GRID2: variants seen among roughly 807,000 people sequenced by gnomAD.
The protein encoded by GRID2 is glutamate ionotropic receptor delta type subunit 2.
Under a neutral mutation model 114.8 loss-of-function variants are expected in GRID2, and 33 were observed. That is an observed-to-expected ratio of 0.29 (90% CI 0.22 to 0.38). The LOEUF (loss-of-function observed/expected upper bound fraction) is 0.38. GRID2 is among the 10% of genes least tolerant of loss of function. GRID2 has a pLI of 1.00. For synonymous variants in GRID2, 505 were observed against 449.9 expected (o/e 1.12, Z -1.55); for missense variants, 1,184 against 1,257.7 (o/e 0.94, Z 0.89).
At chr4:93,119,871 C>T (rs1358606566) in intron 4 of GRID2, among the ~76,000 whole-genome samples, 2 of 152,150 alleles carry the variant, frequency 1.3e-5, no homozygotes, top group African/African-American at 2.4e-5. Flanking sequence ...AGTGTCTGTT[C>T]ATAGCCTTTA....
intron 8 of GRID2, among the ~76,000 whole-genome samples, chr4:93,306,675 A>T (rs116852259): frequency 1.3e-5 from 2 of 152,274 alleles, no homozygotes; most frequent in East Asian, 3.9e-4. Flanking sequence ...ATTTACTGTT[A>T]TTAAAAATAA....
chr4:93,023,532 T>A, intron 2 of GRID2, among the ~76,000 whole-genome samples: 1 of 151,892 alleles, frequency 6.6e-6, no homozygotes, highest in Non-Finnish European at 1.5e-5. Flanking sequence ...TAGTGTGGTA[T>A]TTTCTCACAA....
intron 2 of GRID2, among the ~76,000 whole-genome samples, chr4:93,076,954 C>T (rs1578919982): frequency 1.3e-5 from 2 of 152,208 alleles, no homozygotes; most frequent in East Asian, 3.9e-4. Context: ...GTCATTCCTG[C>T]TTAGTCTCTT....
intron 13 of GRID2, among the ~76,000 whole-genome samples, chr4:93,546,330 A>G (rs1733208529): frequency 6.6e-6 from 1 of 152,208 alleles, no homozygotes; most frequent in African/African-American, 2.4e-5. Flanking sequence ...TTTGGGAATT[A>G]TCAGAATACA....
intron 4 of GRID2, among the ~76,000 whole-genome samples, chr4:93,189,816 A>ACAC (rs1740807702): frequency 7.5e-6 from 1 of 133,742 alleles, no homozygotes; most frequent in Non-Finnish European, 1.6e-5. Context: ...CACACACACA[A>ACAC]ATCTCATCTT....
At chr4:92,628,044 G>A (rs1450503) in intron 2 of GRID2, among the ~76,000 whole-genome samples, 4 of 152,084 alleles carry the variant, frequency 2.6e-5, no homozygotes, top group Non-Finnish European at 5.9e-5. Flanking sequence ...ATAGCTAATA[G>A]TAAAATAATT....
intron 2 of GRID2, among the ~76,000 whole-genome samples, chr4:92,759,997 G>A (rs751607077): frequency 2.6e-5 from 4 of 151,272 alleles, no homozygotes; most frequent in African/African-American, 4.8e-5. Flanking sequence ...TAGTTTATAC[G>A]GCACATAGCT....
intron 1 of GRID2, among the ~76,000 whole-genome samples, chr4:92,401,545 T>C (rs1217633161): frequency 6.6e-6 from 1 of 152,140 alleles, no homozygotes; most frequent in East Asian, 1.9e-4. Context: ...ATAAAGTGAG[T>C]CACACAAATT....
intron 9 of GRID2, among the ~76,000 whole-genome samples, chr4:93,396,738 T>C (rs1042195130): frequency 6.6e-6 from 1 of 151,978 alleles, no homozygotes; most frequent in Non-Finnish European, 1.5e-5. Flanking sequence ...CTATACATTA[T>C]AGTTTTCTTT....
At chr4:93,177,956 T>C (rs1434876041) in intron 4 of GRID2, among the ~76,000 whole-genome samples, 1 of 152,102 alleles carries the variant, frequency 6.6e-6, no homozygotes, top group Non-Finnish European at 1.5e-5. Flanking sequence ...AACTACTATT[T>C]GTCATTTTTA....
chr4:92,560,801 G>T lies in GRID2; in HGVS notation c.89-29330G>T, dbSNP rs948108829. ...AGCTCACTGCAACCTCCACCTCCCG[G>T]GTACAAGTGATTCTGCTGCCCCAGT... On this transcript the variant is annotated intron_variant, in intron 1 of 15. Coordinates refer to ENST00000282020, the MANE Select transcript of GRID2 (RefSeq NM_001510.4). Among the ~76,000 whole-genome samples the T allele has an allele frequency of 5.9e-5, 9 of 152,096 alleles. No individual in the cohort carries two copies. In the East Asian group the frequency reaches 1.7e-3, roughly 30 times the overall value.
intron 1 of GRID2, among the ~76,000 whole-genome samples, chr4:92,439,761 G>C (rs28834546): frequency 4.8e-5 from 7 of 146,080 alleles, no homozygotes; most frequent in African/African-American, 1.7e-4. Flanking sequence ...TGATGAGAGA[G>C]TGCCTAAGGA....
chr4:93,462,005 A>G (rs866632968), intron 11 of GRID2, among the ~76,000 whole-genome samples: 4 of 152,174 alleles, frequency 2.6e-5, no homozygotes, highest in Non-Finnish European at 4.4e-5. Flanking sequence ...TTTCAGAATT[A>G]TCTTCAGATG....
chr4:92,531,762 G>A (rs534487260), intron 1 of GRID2, among the ~76,000 whole-genome samples: 1 of 151,266 alleles, frequency 6.6e-6, no homozygotes, highest in East Asian at 2.0e-4. Context: ...AGCTATGACA[G>A]ATTTTCCTTT....
In GRID2 at chr4:92,951,333, T is replaced by TTTTATTTA. The variant is rs529155664; in HGVS notation, c.245-133634_245-133627dup. Among the ~76,000 whole-genome samples the TTTTATTTA allele has an allele frequency of 2.8e-3, 420 of 150,492 alleles. 2 individuals are homozygous for TTTTATTTA. The highest frequency in any genetic ancestry group is 6.2e-3 in the African/African-American group (251 of 40,702). On this transcript the variant is annotated intron_variant, in intron 2 of 15. Transcript: ENST00000282020. Reference sequence around the variant, plus strand: ...TTGTTCTCCAAAAATTCGCAAAATTTTTTATTTATTTATTTATTTATTTAT... The same window carrying TTTTATTTA: ...TTGTTCTCCAAAAATTCGCAAAATTTTTTATTTATTTATTTATTTATTTATTTATTTAT...
chr4:92,896,109 T>C (rs975112955), intron 2 of GRID2, among the ~76,000 whole-genome samples: 4 of 152,234 alleles, frequency 2.6e-5, no homozygotes, highest in East Asian at 3.8e-4. Context: ...TATGTAAGTA[T>C]AATTGTGCTG....
At chr4:92,473,606 T>C (rs1722147535) in intron 1 of GRID2, among the ~76,000 whole-genome samples, 1 of 152,058 alleles carries the variant, frequency 6.6e-6, no homozygotes, top group African/African-American at 2.4e-5. Context: ...TCTAGGATCC[T>C]CAGAATTTTA....
chr4:93,311,425 G>A (rs1007622603), intron 8 of GRID2, among the ~76,000 whole-genome samples: 1 of 152,142 alleles, frequency 6.6e-6, no homozygotes, highest in African/African-American at 2.4e-5. Flanking sequence ...TTTCTTCTCA[G>A]AAGGGAGAAA....
intron 1 of GRID2, among the ~76,000 whole-genome samples, chr4:92,508,485 G>A (rs1724084429): frequency 6.6e-6 from 1 of 151,924 alleles, no homozygotes; most frequent in African/African-American, 2.4e-5. Context: ...TTTAGGAAGG[G>A]AGGTCATGGA....
Sources: allele counts gnomAD v4.1 joint callset (sites outside exome capture counted in the v4.1 genomes callset), GRCh38; gene constraint gnomAD v4.1.1; transcripts MANE v1.5; gene names NCBI Gene and HGNC (gene_info 2026-07-23, HGNC 2026-07-21).